The following CTSL variants were observed in gnomAD, a reference collection of about 807,000 sequenced individuals.
CTSL encodes the protein cathepsin L.
A neutral mutation model predicts 34.7 loss-of-function variants in CTSL; 23 were observed. That is an observed-to-expected ratio of 0.66 (90% confidence interval 0.48 to 0.94). The LOEUF (loss-of-function observed/expected upper bound fraction) is 0.94. CTSL is among the 40% of genes least tolerant of loss of function. The pLI is 0.00. For synonymous variants in CTSL, 129 were observed against 136.7 expected (o/e 0.94, Z 0.39); for missense variants, 361 against 406.3 (o/e 0.89, Z 0.96).
chr9:87,727,456 C>G, intron 1 of CTSL, 138 bp from the exon 2 acceptor site: 1 of 925,956 alleles, frequency 1.1e-6, no homozygotes, highest in South Asian at 1.7e-5. Context: ...TTGGCCTCTT[C>G]CACAGTCCTT....
chr9:87,729,399 A>C (rs918412772), intron 5 of CTSL, among the ~76,000 whole-genome samples, 174 bp from the exon 6 acceptor site: 4 of 152,202 alleles, frequency 2.6e-5, no homozygotes, highest in Admixed American at 2.0e-4. Context: ...AAGAGACTGG[A>C]GTCAATTTTC....
intron 7 of CTSL, 40 bp downstream of exon 7, chr9:87,730,538 G>T: frequency 7.2e-7 from 1 of 1,392,364 alleles, no homozygotes; most frequent in South Asian, 1.2e-5. Flanking sequence ...AAATTCAAAA[G>T]AGAATACTTA....
In CTSL at chr9:87,728,600, T is replaced by C. The variant is rs757571238; in HGVS notation, c.412T>C (p.Cys138Arg). 4 of 1,614,082 alleles carry C rather than the reference T, an allele frequency of 2.5e-6. No individual in the cohort carries two copies. The highest frequency in any genetic ancestry group is 3.4e-6 in the Non-Finnish European group (4 of 1,180,000). Residue 138 changes from cysteine to arginine, a missense_variant, in exon 5 of 8, where the codon TGT becomes CGT. Coordinates refer to ENST00000343150, the MANE Select transcript of CTSL (RefSeq NM_001912.5). Reference sequence around the variant, plus strand: ...CCCTTTTCAGGGTCAGTGTGGTTCTTGTTGGGCTTTTAGTGCTACTGGTGC... The same window carrying C: ...CCCTTTTCAGGGTCAGTGTGGTTCTCGTTGGGCTTTTAGTGCTACTGGTGC... ...PVKNQGQCGS[C>R]WAFSATGALE...
intron 5 of CTSL, among the ~76,000 whole-genome samples, chr9:87,729,188 A>G (rs1440340468): frequency 6.6e-6 from 1 of 152,122 alleles, no homozygotes; most frequent in East Asian, 1.9e-4. Flanking sequence ...AAGTTCACAT[A>G]TTAGATGGCA....
In CTSL at chr9:87,728,410, A is replaced by C; in HGVS notation, c.396+14A>C. On this transcript the variant is annotated intron_variant, in intron 4 of 7. Coordinates refer to ENST00000343150, the MANE Select transcript of CTSL (RefSeq NM_001912.5). ...GTGAAGAATCAGGTGAGACAGTGTCAGGTTCAGACCTCCCATCTTCCCAGG... is the reference window on the plus strand; with the variant it reads ...GTGAAGAATCAGGTGAGACAGTGTCCGGTTCAGACCTCCCATCTTCCCAGG... 6.2e-7 allele frequency: 1 copy of C among 1,608,562 alleles called. No individual in the cohort carries two copies. The highest frequency in any genetic ancestry group is 1.1e-5 in the South Asian group (1 of 89,598).
Position 87,729,556 on chromosome 9 carries a change from C to T in CTSL, c.622-17C>T, listed in dbSNP as rs1235435987. 2 of 1,605,620 alleles carry T rather than the reference C, an allele frequency of 1.2e-6. No homozygotes were observed. The highest frequency in any genetic ancestry group is 1.7e-5 in the Admixed American group (1 of 57,952). ...ACAGCAGTAATCAAGTCTTTTTTTT[C>T]CCTTTACCTTTGAAAGGAAGAATCC... is the stretch of plus-strand genomic sequence containing the variant. On this transcript the variant is annotated splice_polypyrimidine_tract_variant and intron_variant, in intron 5 of 7. Coordinates refer to ENST00000343150, the MANE Select transcript of CTSL (RefSeq NM_001912.5).
chr9:87,726,964 G>C (rs900002222), intron 1 of CTSL, among the ~76,000 whole-genome samples: 1 of 152,020 alleles, frequency 6.6e-6, no homozygotes, highest in Non-Finnish European at 1.5e-5. Flanking sequence ...GCTTGAACCC[G>C]GGAGGCAGAG....
Position 87,731,220 on chromosome 9 carries a change from G to A in CTSL, c.*113G>A. On this transcript the variant is annotated 3_prime_UTR_variant, in exon 8 of 8. Transcript: ENST00000343150. Reference sequence around the variant, plus strand: ...TCGGATACACACTCGAATCATTGAAGATCCGAGTGTGATTTGAATTCTGTG... The same window carrying A: ...TCGGATACACACTCGAATCATTGAAAATCCGAGTGTGATTTGAATTCTGTG... The A allele has an allele frequency of 1.5e-6, 1 of 647,072 alleles. No individual in the cohort carries two copies. Among genetic ancestry groups the A allele is most frequent in the Non-Finnish European group, 2.6e-6 (1 of 377,518 alleles). 40.1% of individuals were successfully genotyped at this position (647,072 alleles called of 1,614,324 possible). A position where few individuals can be genotyped will look rare whatever the true frequency, so the allele number is the denominator to read the frequency against.
At chr9:87,726,931 A>G (rs558578133) in intron 1 of CTSL, among the ~76,000 whole-genome samples, 4 of 152,202 alleles carry the variant, frequency 2.6e-5, no homozygotes, top group African/African-American at 7.2e-5. Flanking sequence ...AGTTCCAGCT[A>G]TTCAAGAGGC....
In CTSL at chr9:87,727,706, A is replaced by G; in HGVS notation, c.103A>G (p.Met35Val). 6.2e-7 allele frequency: 1 copy of G among 1,614,178 alleles called. No individual in the cohort carries two copies. The highest frequency in any genetic ancestry group is 1.1e-5 in the South Asian group (1 of 91,084). Residue 35 changes from methionine (M) to valine (V), a missense_variant, in exon 2 of 8, where the codon ATG (methionine) becomes GTG (valine). Physicochemically the swap from Met to Val is conservative, Grantham distance 21. Coordinates refer to ENST00000343150, the MANE Select transcript of CTSL (RefSeq NM_001912.5). ...GGCACAGTGGACCAAGTGGAAGGCG[A>G]TGCACAACAGATTATACGGCATGGT... ...LEAQWTKWKA[M>V]HNRLYGMNEE...
chr9:87,727,965 T>A (rs1196961704), intron 2 of CTSL, 62 bp from the exon 3 acceptor site: 1 of 1,602,974 alleles, frequency 6.2e-7, no homozygotes, highest in East Asian at 2.2e-5. Flanking sequence ...CAGATTCACT[T>A]GGTGAGGATG....
At chr9:87,727,468 G>T (rs1427871399) in intron 1 of CTSL, 126 bp from the exon 2 acceptor site, 3 of 1,028,390 alleles carry the variant, frequency 2.9e-6, no homozygotes, top group Non-Finnish European at 2.8e-6. Flanking sequence ...ACAGTCCTTG[G>T]GTAAATGCTT....
rs146841057 is a variant in CTSL, at chr9:87,731,068, T to C, written c.963T>C (p.His321=). 332 of 1,613,956 alleles carry C rather than the reference T, an allele frequency of 2.1e-4. No individual in the cohort carries two copies. The highest frequency in any genetic ancestry group is 5.2e-4 in the Admixed American group (31 of 60,008). The change falls in exon 8 of 8, where the codon CAT becomes CAC. Residue 321 remains histidine (H), a synonymous_variant. Coordinates refer to ENST00000343150, the MANE Select transcript of CTSL (RefSeq NM_001912.5). The part of the protein sequence containing the change: ...YVKMAKDRRN[H]CGIASAASYP... The stretch of plus-strand genomic sequence containing the variant: ...AGATGGCCAAAGACCGGAGAAACCA[T>C]TGTGGAATTGCCTCAGCAGCCAGCT...
rs752786674 is a variant in CTSL at position 87,729,610 on chromosome 9, C to G, written c.659C>G (p.Ala220Gly). 58 of 1,614,002 alleles carry G rather than the reference C, an allele frequency of 3.6e-5. No individual in the cohort carries two copies. Among genetic ancestry groups the G allele is most frequent in the Non-Finnish European group, 4.7e-5 (55 of 1,180,016 alleles). The change falls in exon 6 of 8, where the codon GCT becomes GGT. Residue 220 changes from alanine (A) to glycine (G), a missense_variant. Physicochemically the swap from Ala to Gly is moderately conservative, Grantham distance 60. Coordinates refer to ENST00000343150, the MANE Select transcript of CTSL (RefSeq NM_001912.5). ...AAGTACAATCCCAAGTATTCTGTTG[C>G]TAATGACACCGGCTTTGTGGACATC... ...SCKYNPKYSVANDTGFVDIPK... is the reference protein window; with the variant it reads ...SCKYNPKYSVGNDTGFVDIPK...
chr9:87,729,710 T>A lies in CTSL; in HGVS notation c.759T>A (p.His253Gln). 1.2e-6 allele frequency: 2 copies of A among 1,612,960 alleles called. No homozygotes were observed. The highest frequency in any genetic ancestry group is 1.7e-6 in the Non-Finnish European group (2 of 1,179,752). Reference sequence around the variant, plus strand: ...TTTCTGTTGCTATTGATGCAGGTCATGAGTCCTTCCTGTTCTATAAAGAAG... The same window carrying A: ...TTTCTGTTGCTATTGATGCAGGTCAAGAGTCCTTCCTGTTCTATAAAGAAG... ...GPISVAIDAG[H>Q]ESFLFYKEGI... The change falls in exon 6 of 8, where the codon CAT becomes CAA. Residue 253 changes from histidine (H) to glutamine (Q), a missense_variant. His to Gln is a conservative substitution (Grantham distance 24, BLOSUM62 0). Transcript: ENST00000343150.
rs1209909125 is a variant in CTSL at position 87,729,606 on chromosome 9, G to A, written c.655G>A (p.Val219Ile). Residue 219 changes from valine to isoleucine, a missense_variant, in exon 6 of 8, where the codon GTT (valine) becomes ATT (isoleucine). Transcript: ENST00000343150. ...ESCKYNPKYS[V>I]ANDTGFVDIP... ...CTGTAAGTACAATCCCAAGTATTCT[G>A]TTGCTAATGACACCGGCTTTGTGGA... 4 of 1,613,988 alleles carry A rather than the reference G, an allele frequency of 2.5e-6. No individual in the cohort carries two copies. The highest frequency in any genetic ancestry group is 3.4e-6 in the Non-Finnish European group (4 of 1,180,014).
In CTSL at chr9:87,727,710, A is replaced by C; in HGVS notation, c.107A>C (p.His36Pro). Residue 36 changes from histidine to proline, a missense_variant, in exon 2 of 8, where the codon CAC (histidine) becomes CCC (proline). Coordinates refer to ENST00000343150, the MANE Select transcript of CTSL (RefSeq NM_001912.5). ...EAQWTKWKAMHNRLYGMNEEG... is the reference protein window; with the variant it reads ...EAQWTKWKAMPNRLYGMNEEG... ...CAGTGGACCAAGTGGAAGGCGATGC[A>C]CAACAGATTATACGGCATGGTTAGT... 6.2e-7 allele frequency: 1 copy of C among 1,614,212 alleles called. No individual in the cohort carries two copies. The highest frequency in any genetic ancestry group is 8.5e-7 in the Non-Finnish European group (1 of 1,180,046).
In CTSL at chr9:87,728,678, C is replaced by G; in HGVS notation, c.490C>G (p.Gln164Glu). 1 of 1,614,102 alleles carries G rather than the reference C, an allele frequency of 6.2e-7. No individual in the cohort carries two copies. Among genetic ancestry groups the G allele is most frequent in the Non-Finnish European group, 8.5e-7 (1 of 1,180,034 alleles). ...KTGRLISLSE[Q>E]NLVDCSGPQG... The stretch of plus-strand genomic sequence containing the variant: ...TGGGAGGCTTATCTCACTGAGTGAG[C>G]AGAATCTGGTAGACTGCTCTGGGCC... The change falls in exon 5 of 8, where the codon CAG (glutamine) becomes GAG (glutamate). Residue 164 changes from glutamine (Q) to glutamate (E), a missense_variant. Physicochemically the swap from Gln to Glu is conservative, Grantham distance 29. Coordinates refer to ENST00000343150, the MANE Select transcript of CTSL (RefSeq NM_001912.5).
chr9:87,729,750 CT>C lies in CTSL; in HGVS notation c.784+18del. 6.3e-7 allele frequency: 1 copy of C among 1,584,536 alleles called. No individual in the cohort carries two copies. Among genetic ancestry groups the C allele is most frequent in the Non-Finnish European group, 8.6e-7 (1 of 1,167,298 alleles). Reference sequence around the variant, plus strand: ...CTATAAAGAAGGTAAGCATATTTTTCTTTGTAGAAATTGATGCAGAAAAAGA... The same window carrying C: ...CTATAAAGAAGGTAAGCATATTTTTCTTGTAGAAATTGATGCAGAAAAAGA... On this transcript the variant is annotated intron_variant, in intron 6 of 7. Coordinates refer to ENST00000343150, the MANE Select transcript of CTSL (RefSeq NM_001912.5).
Sources: gnomAD v4.1 joint callset for allele counts (sites outside exome capture counted in the v4.1 genomes callset) on GRCh38, gnomAD v4.1.1 for gene constraint, MANE v1.5 for transcripts, NCBI Gene and HGNC (gene_info 2026-07-23, HGNC 2026-07-21) for gene names.